The following MTUS2 variants were observed in gnomAD, a reference collection of about 807,000 sequenced individuals.
MTUS2 encodes microtubule associated scaffold protein 2, also known as microtubule-associated tumor suppressor candidate 2.
Under a neutral mutation model 114.1 loss-of-function variants are expected in MTUS2, and 40 were observed. The observed-to-expected ratio is 0.35, with a 90% CI of 0.27 to 0.46. The LOEUF is 0.46. MTUS2 is among the 20% of genes least tolerant of loss of function. The pLI, the probability that MTUS2 is intolerant of heterozygous loss-of-function variation, is 1.00. For synonymous variants in MTUS2, 688 were observed against 672.0 expected (o/e 1.02, Z -0.37); for missense variants, 1,679 against 1,705.4 (o/e 0.98, Z 0.27).
chr13:29,314,630 A>T (rs1899911559), intron 6 of MTUS2, among the ~76,000 whole-genome samples: 1 of 152,196 alleles, frequency 6.6e-6, no homozygotes, highest in East Asian at 1.9e-4. Flanking sequence ...ATCTATGGAG[A>T]TGAATAGAGA....
At chr13:29,451,274 A>C (rs528815052) in intron 9 of MTUS2, among the ~76,000 whole-genome samples, 127 of 152,390 alleles carry the variant, frequency 8.3e-4, no homozygotes, top group Non-Finnish European at 1.6e-3. Context: ...AATCAATAAC[A>C]TAAAAATATC....
chr13:29,202,176 C>T (rs924314272), intron 5 of MTUS2, among the ~76,000 whole-genome samples: 1 of 152,054 alleles, frequency 6.6e-6, no homozygotes, highest in Admixed American at 6.6e-5. Context: ...CACATAGTCC[C>T]ATATTTCTTG....
chr13:29,026,383 G>T lies in MTUS2; in HGVS notation c.1685G>T (p.Gly562Val). 1 of 1,613,904 alleles carries T rather than the reference G, an allele frequency of 6.2e-7. No individual in the cohort carries two copies. The highest frequency in any genetic ancestry group is 8.5e-7 in the Non-Finnish European group (1 of 1,179,836). Residue 562 changes from glycine to valine, a missense_variant, in exon 3 of 16, where the codon GGT becomes GTT. This residue lies in a region of MTUS2 where 843 missense variants were observed against 770.8 expected (regional missense o/e 1.09). Coordinates refer to ENST00000612955, the MANE Select transcript of MTUS2 (RefSeq NM_001033602.4). ...AGTTTTCAGGATGTTAGCGTGTTCGGTATGGATGCGGGGTCCCCCTTGGTA... is the reference window on the plus strand; with the variant it reads ...AGTTTTCAGGATGTTAGCGTGTTCGTTATGGATGCGGGGTCCCCCTTGGTA... ...SSSFQDVSVF[G>V]MDAGSPLVVP...
At chr13:29,005,277 A>G (rs932054284) in intron 2 of MTUS2, among the ~76,000 whole-genome samples, 3 of 152,132 alleles carry the variant, frequency 2.0e-5, no homozygotes, top group African/African-American at 7.2e-5. Flanking sequence ...TGTGGGCCAG[A>G]GAGGGGCTTG....
intron 8 of MTUS2, among the ~76,000 whole-genome samples, chr13:29,376,017 GTA>G (rs1871702154): frequency 1.5e-5 from 1 of 67,154 alleles, no homozygotes; most frequent in Non-Finnish European, 2.9e-5. Flanking sequence ...GTGTGTGTAT[GTA>G]TGTGTGTGTA....
intron 2 of MTUS2, among the ~76,000 whole-genome samples, chr13:28,910,672 G>A (rs1880360745): frequency 6.6e-6 from 1 of 151,880 alleles, no homozygotes; most frequent in Non-Finnish European, 1.5e-5. Flanking sequence ...GAGGATAACA[G>A]CTTCCAGCTC....
chr13:29,261,297 A>G (rs1433884901), intron 5 of MTUS2, among the ~76,000 whole-genome samples: 2 of 152,186 alleles, frequency 1.3e-5, no homozygotes, highest in East Asian at 1.9e-4. Context: ...TAAGAGTGCA[A>G]GAAATCTCAA....
chr13:29,428,939 A>G, intron 8 of MTUS2: 1 of 1,601,506 alleles, frequency 6.2e-7, no homozygotes, highest in Non-Finnish European at 8.6e-7. Flanking sequence ...CCTCCTTTGC[A>G]AGGGCAGAGA....
chr13:29,388,652 T>A (rs1872796421), intron 8 of MTUS2, among the ~76,000 whole-genome samples: 1 of 151,822 alleles, frequency 6.6e-6, no homozygotes, highest in African/African-American at 2.4e-5. Context: ...AAAAAATAAT[T>A]AAGTCACCTT....
At chr13:29,334,204 C>A (rs778006051) in intron 7 of MTUS2, among the ~76,000 whole-genome samples, 40 of 152,104 alleles carry the variant, frequency 2.6e-4, no homozygotes, top group Non-Finnish European at 5.4e-4. Context: ...AGCCCGTTTA[C>A]ATTTAAGGTT....
chr13:28,998,304 C>G (rs1357113232), intron 2 of MTUS2, among the ~76,000 whole-genome samples: 1 of 152,216 alleles, frequency 6.6e-6, no homozygotes. Context: ...CCCGTCTTTT[C>G]TCTCTGGCTG....
intron 2 of MTUS2, among the ~76,000 whole-genome samples, chr13:28,894,937 C>T (rs549027319): frequency 6.6e-6 from 1 of 152,262 alleles, no homozygotes; most frequent in East Asian, 1.9e-4. Flanking sequence ...TGATTAATAT[C>T]AATTTTGGGG....
chr13:29,330,621 G>A (rs1257136631), intron 7 of MTUS2, among the ~76,000 whole-genome samples: 2 of 152,136 alleles, frequency 1.3e-5, no homozygotes, highest in Non-Finnish European at 2.9e-5. Flanking sequence ...TAAGATGTAA[G>A]GAAGGGGTCC....
chr13:28,837,299 G>A (rs1332854026), intron 1 of MTUS2, among the ~76,000 whole-genome samples: 2 of 152,124 alleles, frequency 1.3e-5, no homozygotes, highest in Admixed American at 6.6e-5. Flanking sequence ...CACCTGTTTC[G>A]GGTTTGCATA....
At chr13:28,897,410 A>G (rs1369591969) in intron 2 of MTUS2, among the ~76,000 whole-genome samples, 3 of 152,234 alleles carry the variant, frequency 2.0e-5, no homozygotes, top group African/African-American at 7.2e-5. Flanking sequence ...CAGGTGCTGG[A>G]GAGGATGTGG....
chr13:28,856,303 G>A (rs1876625271), intron 2 of MTUS2, among the ~76,000 whole-genome samples: 1 of 152,242 alleles, frequency 6.6e-6, no homozygotes, highest in Non-Finnish European at 1.5e-5. Flanking sequence ...TATTGTTTGA[G>A]TAAACGGATG....
At chr13:29,372,236 C>T (rs1478567270) in intron 8 of MTUS2, among the ~76,000 whole-genome samples, 1 of 151,626 alleles carries the variant, frequency 6.6e-6, no homozygotes, top group Non-Finnish European at 1.5e-5. Flanking sequence ...TTGACAAAGA[C>T]GTGAAATTGA....
intron 5 of MTUS2, among the ~76,000 whole-genome samples, chr13:29,154,895 G>C (rs1892796337): frequency 6.6e-6 from 1 of 152,188 alleles, no homozygotes; most frequent in South Asian, 2.1e-4. Flanking sequence ...CAAAAAAAGA[G>C]AGTAAAGTAG....
At position 29,440,001 on chromosome 13, in the gene MTUS2, A is replaced by G; in HGVS notation, c.3136A>G (p.Lys1046Glu). The change falls in exon 9 of 16, where the codon AAA (lysine) becomes GAA (glutamate). Residue 1046 changes from lysine to glutamate, a missense_variant. Physicochemically the swap from Lys to Glu is moderately conservative, Grantham distance 56 (BLOSUM62 1). Around this residue, in one of 3 missense-constraint regions of MTUS2, gnomAD observed 822 missense variants for 899.7 expected, o/e 0.91. Coordinates refer to ENST00000612955, the MANE Select transcript of MTUS2 (RefSeq NM_001033602.4). ...TTTTCAGAATGAAAGTGCCCTTGTG[A>G]AAGAAAAAGAGCTGTCAATCGAACT... is the stretch of plus-strand genomic sequence containing the variant. Reference protein sequence around the residue: ...FFRKNESALVKEKELSIELAN... With the variant: ...FFRKNESALVEEKELSIELAN... The G allele has an allele frequency of 6.3e-7, 1 of 1,587,216 alleles. No individual in the cohort carries two copies. Among genetic ancestry groups the G allele is most frequent in the Non-Finnish European group, 8.6e-7 (1 of 1,164,980 alleles).
Sources: allele counts gnomAD v4.1 joint callset (sites outside exome capture counted in the v4.1 genomes callset), GRCh38; gene constraint gnomAD v4.1.1; regional missense constraint gnomAD v4.1.1; transcripts MANE v1.5; gene names NCBI Gene and HGNC (gene_info 2026-07-23, HGNC 2026-07-21).